Variants in SCAPER observed in about 807,000 individuals in gnomAD.
The protein encoded by SCAPER is S-phase cyclin A associated protein in the ER, also known as S phase cyclin A-associated protein in the endoplasmic reticulum.
SCAPER carries 98 observed loss-of-function variants against 182.2 expected under a neutral mutation model. That is an observed-to-expected ratio of 0.54 (90% confidence interval 0.46 to 0.64). The LOEUF (loss-of-function observed/expected upper bound fraction) is 0.64. Among genes scored for constraint, SCAPER ranks in the 30% least tolerant of loss-of-function variants. The probability of loss-of-function intolerance (pLI) is 0.00; values close to 1 mark genes in which losing one functional copy is unlikely to be tolerated. For missense variants in SCAPER, 1,432 were observed against 1,690.0 expected, an observed-to-expected ratio of 0.85 and a Z score of 2.68; for synonymous variants, 605 against 564.6, an observed-to-expected ratio of 1.07 and a Z score of -1.01.
At chr15:76,564,647 A>C (rs1055935080) in intron 23 of SCAPER, among the ~76,000 whole-genome samples, 1 of 152,214 alleles carries the variant, frequency 6.6e-6, no homozygotes, top group Non-Finnish European at 1.5e-5. Flanking sequence ...TATTCTTCAC[A>C]GAACTAAAAA....
At chr15:76,851,330 T>C (rs985089898) in intron 4 of SCAPER, among the ~76,000 whole-genome samples, 9 of 151,944 alleles carry the variant, frequency 5.9e-5, no homozygotes, top group Non-Finnish European at 2.9e-5. Flanking sequence ...ATTCAGGAAA[T>C]ACAGAGAACC....
intron 27 of SCAPER, among the ~76,000 whole-genome samples, chr15:76,383,400 T>G (rs2043098258): frequency 6.6e-6 from 1 of 152,216 alleles, no homozygotes; most frequent in African/African-American, 2.4e-5. Context: ...GCAGTTTTAT[T>G]CATAACCACG....
chr15:76,515,132 A>G (rs1027871977), intron 23 of SCAPER, among the ~76,000 whole-genome samples: 2 of 152,218 alleles, frequency 1.3e-5, no homozygotes, highest in African/African-American at 4.8e-5. Flanking sequence ...AGTGGGGCTG[A>G]GAGGCTAGAA....
At chr15:76,776,615 T>C (rs1234605226) in intron 8 of SCAPER, among the ~76,000 whole-genome samples, 2 of 152,128 alleles carry the variant, frequency 1.3e-5, no homozygotes, top group African/African-American at 4.8e-5. Flanking sequence ...CCCCCTTTCC[T>C]TTTCCTTATG....
chr15:76,767,694 T>A (rs1373421597), intron 10 of SCAPER, among the ~76,000 whole-genome samples: 3 of 151,932 alleles, frequency 2.0e-5, no homozygotes, highest in Non-Finnish European at 4.4e-5. Context: ...AATGAAATTA[T>A]TAAAAAATTA....
rs533321110 is a variant in SCAPER, at chr15:76,889,375, C to T, written c.-59-5499G>A. The stretch of plus-strand genomic sequence containing the variant: ...AAATGCCCCAATTAAAAGACACAGA[C>T]TGGCAAATTGGACAGAGTCAAGACC... On this transcript the variant is annotated intron_variant, in intron 1 of 31. Transcript: ENST00000563290. 6.6e-5 allele frequency among the ~76,000 whole-genome samples: 10 copies of T among 152,268 alleles called. No homozygotes were observed. In the East Asian group the frequency reaches 9.6e-4, roughly 15 times the overall value.
intron 26 of SCAPER, among the ~76,000 whole-genome samples, chr15:76,407,828 C>T (rs937317330): frequency 2.0e-5 from 3 of 152,060 alleles, no homozygotes; most frequent in Admixed American, 2.0e-4. Context: ...ATAACAAATA[C>T]CCATGCATTC....
At chr15:76,727,181 AT>A (rs1396129367) in intron 17 of SCAPER, among the ~76,000 whole-genome samples, 4 of 152,068 alleles carry the variant, frequency 2.6e-5, no homozygotes, top group Admixed American at 2.0e-4. Context: ...CAACATAAAA[AT>A]ATCAATCTTA....
chr15:76,656,271 A>G (rs1013930876), intron 21 of SCAPER, among the ~76,000 whole-genome samples: 1 of 152,186 alleles, frequency 6.6e-6, no homozygotes, highest in African/African-American at 2.4e-5. Flanking sequence ...AGAAAAAAAT[A>G]GAATTTAAAT....
At chr15:76,551,338 A>G (rs780472085) in intron 23 of SCAPER, among the ~76,000 whole-genome samples, 2 of 152,148 alleles carry the variant, frequency 1.3e-5, no homozygotes, top group Admixed American at 1.3e-4. Context: ...GATGGATAAA[A>G]AACTGAGATG....
At chr15:76,901,722 AAT>A (rs1491347708) in intron 1 of SCAPER, among the ~76,000 whole-genome samples, 1 of 60,980 alleles carries the variant, frequency 1.6e-5, no homozygotes, top group African/African-American at 5.0e-5. Context: ...AATTTCTAAT[AAT>A]TTTTTTTTTT....
At chr15:76,539,291 G>A (rs1435826467) in intron 23 of SCAPER, among the ~76,000 whole-genome samples, 1 of 152,116 alleles carries the variant, frequency 6.6e-6, no homozygotes, top group Non-Finnish European at 1.5e-5. Flanking sequence ...TGTATTATAG[G>A]TACGTTTTGT....
At chr15:76,523,715 C>T (rs1257084031) in intron 23 of SCAPER, among the ~76,000 whole-genome samples, 4 of 151,894 alleles carry the variant, frequency 2.6e-5, no homozygotes, top group Admixed American at 1.3e-4. Context: ...AGAGTAATAA[C>T]GGTTTACTTT....
At chr15:76,397,608 G>A (rs1455264656) in intron 27 of SCAPER, among the ~76,000 whole-genome samples, 1 of 148,616 alleles carries the variant, frequency 6.7e-6, no homozygotes, top group Non-Finnish European at 1.5e-5. Flanking sequence ...AGCCTCCCCA[G>A]TAGCTGGGAT....
At chr15:76,656,089 C>T (rs2055609922) in intron 21 of SCAPER, among the ~76,000 whole-genome samples, 1 of 151,920 alleles carries the variant, frequency 6.6e-6, no homozygotes, top group African/African-American at 2.4e-5. Context: ...AAAATAATGC[C>T]CTCAATTAAA....
intron 22 of SCAPER, among the ~76,000 whole-genome samples, chr15:76,605,418 G>A (rs377148662): frequency 3.9e-5 from 6 of 152,172 alleles, no homozygotes; most frequent in Middle Eastern, 6.8e-3. Flanking sequence ...TGCTGGATTC[G>A]GTTTGCCAGT....
chr15:76,688,920 C>T (rs183060673), intron 20 of SCAPER, among the ~76,000 whole-genome samples: 71 of 146,200 alleles, frequency 4.9e-4, no homozygotes, highest in Non-Finnish European at 8.0e-4. Flanking sequence ...ACGATCTCGG[C>T]TCACTGCAAT....
At chr15:76,853,947 GATA>G (rs573336855) in intron 4 of SCAPER, among the ~76,000 whole-genome samples, 122 of 152,296 alleles carry the variant, frequency 8.0e-4, no homozygotes, top group African/African-American at 2.7e-3. Context: ...CTCCTTAGCT[GATA>G]AACAACTTCA....
intron 20 of SCAPER, among the ~76,000 whole-genome samples, chr15:76,688,960 T>G (rs897114861): frequency 8.7e-5 from 13 of 149,854 alleles, no homozygotes; most frequent in African/African-American, 3.2e-4. Flanking sequence ...GCCATTCTCC[T>G]GCCTCAGCCT....
Sources: allele counts gnomAD v4.1 joint callset (sites outside exome capture counted in the v4.1 genomes callset), GRCh38; gene constraint gnomAD v4.1.1; transcripts MANE v1.5; gene names NCBI Gene and HGNC (gene_info 2026-07-23, HGNC 2026-07-21).